The following RBFOX1 variants were observed in gnomAD, a reference collection of about 807,000 sequenced individuals.
RBFOX1 encodes RNA binding fox-1 homolog 1.
A neutral mutation model predicts 57.7 loss-of-function variants in RBFOX1; 8 were observed. That is an observed-to-expected ratio of 0.14 (90% CI 0.08 to 0.25). The LOEUF (loss-of-function observed/expected upper bound fraction) is 0.25. RBFOX1 is among the 10% of genes least tolerant of loss of function. The pLI is 1.00. For synonymous variants in RBFOX1, 326 were observed against 222.4 expected, an observed-to-expected ratio of 1.47 and a Z score of -4.15; for missense variants, 611 against 548.5, an observed-to-expected ratio of 1.11 and a Z score of -1.14.
At chr16:6,519,083 C>T (rs1010455808) in intron 2 of RBFOX1, among the ~76,000 whole-genome samples, 22 of 151,608 alleles carry the variant, frequency 1.5e-4, no homozygotes, top group Non-Finnish European at 2.4e-4. Context: ...TGCCACCCAT[C>T]GTATGCACAA....
At chr16:5,390,663 T>C (rs1310076357) in intron 1 of RBFOX1, among the ~76,000 whole-genome samples, 1 of 152,142 alleles carries the variant, frequency 6.6e-6, no homozygotes, top group Non-Finnish European at 1.5e-5. Flanking sequence ...TCCCTCATCT[T>C]TGAAGGTGGC....
chr16:7,452,555 C>G (rs2057576154), intron 4 of RBFOX1, among the ~76,000 whole-genome samples: 1 of 152,278 alleles, frequency 6.6e-6, no homozygotes, highest in African/African-American at 2.4e-5. Flanking sequence ...GATCCGGGGT[C>G]TTACCTGTGG....
At chr16:6,346,193 C>G (rs1292721657) in intron 2 of RBFOX1, among the ~76,000 whole-genome samples, 1 of 152,094 alleles carries the variant, frequency 6.6e-6, no homozygotes, top group Non-Finnish European at 1.5e-5. Flanking sequence ...AACACATATG[C>G]AAGTGAATAC....
intron 3 of RBFOX1, among the ~76,000 whole-genome samples, chr16:6,933,632 G>C (rs1247799460): frequency 6.6e-6 from 1 of 152,224 alleles, no homozygotes; most frequent in African/African-American, 2.4e-5. Context: ...AGAATTACTT[G>C]AACCTGGGAG....
chr16:7,299,066 G>T (rs2095968102), intron 4 of RBFOX1, among the ~76,000 whole-genome samples: 1 of 152,166 alleles, frequency 6.6e-6, no homozygotes, highest in Non-Finnish European at 1.5e-5. Context: ...AATTAGAATA[G>T]TTACTTTGAA....
chr16:5,253,310 C>G (rs181982100), intron 1 of RBFOX1, among the ~76,000 whole-genome samples: 1 of 152,078 alleles, frequency 6.6e-6, no homozygotes, highest in Admixed American at 6.5e-5. Context: ...CAACCACACC[C>G]AGCTAATTTT....
intron 2 of RBFOX1, among the ~76,000 whole-genome samples, chr16:5,579,962 G>C (rs1461724365): frequency 1.3e-5 from 2 of 152,000 alleles, no homozygotes; most frequent in Non-Finnish European, 2.9e-5. Flanking sequence ...GTAGAGACGG[G>C]GTTTCACCAA....
chr16:6,061,160 T>C (rs1198695276), intron 1 of RBFOX1, among the ~76,000 whole-genome samples: 1 of 152,152 alleles, frequency 6.6e-6, no homozygotes, highest in African/African-American at 2.4e-5. Context: ...TCATGGTTGC[T>C]AACCCACCCG....
chr16:6,123,179 A>T (rs934668597), intron 1 of RBFOX1, among the ~76,000 whole-genome samples: 3 of 152,180 alleles, frequency 2.0e-5, no homozygotes, highest in Admixed American at 2.0e-4. Flanking sequence ...TGAAAATAGA[A>T]TCTTGCACAG....
intron 3 of RBFOX1, among the ~76,000 whole-genome samples, chr16:5,822,937 A>G (rs1244619603): frequency 6.6e-6 from 1 of 152,216 alleles, no homozygotes; most frequent in African/African-American, 2.4e-5. Flanking sequence ...TGCTTTCCAC[A>G]TGATAACTGC....
At chr16:7,022,361 C>T (rs756617662) in intron 3 of RBFOX1, among the ~76,000 whole-genome samples, 1 of 151,742 alleles carries the variant, frequency 6.6e-6, no homozygotes, top group Non-Finnish European at 1.5e-5. Flanking sequence ...TGGCCGTGAA[C>T]CCCATATTCT....
intron 3 of RBFOX1, among the ~76,000 whole-genome samples, chr16:7,005,664 C>G (rs930637880): frequency 1.3e-5 from 2 of 152,184 alleles, no homozygotes; most frequent in Non-Finnish European, 2.9e-5. Context: ...CAAACAATTT[C>G]ATAGAATATC....
chr16:6,413,852 C>T (rs189935312), intron 2 of RBFOX1, among the ~76,000 whole-genome samples: 157 of 152,204 alleles, frequency 1.0e-3, no homozygotes, highest in Non-Finnish European at 1.6e-3. Flanking sequence ...GGAACTATGG[C>T]GACAACTAAA....
In RBFOX1 at chr16:7,518,200, G is replaced by T. The variant is rs573820749; in HGVS notation, c.81G>T (p.Ser27=). 2.5e-6 allele frequency: 4 copies of T among 1,613,944 alleles called. No individual in the cohort carries two copies. Among genetic ancestry groups the T allele is most frequent in the Middle Eastern group, 1.6e-4 (1 of 6,062 alleles). The stretch of plus-strand genomic sequence containing the variant: ...ACACAATGGCTCAGCCTTACGCTTC[G>T]GCCCAGTTTGCTCCCCCGCAGAACG... ...APDTMAQPYA[S]AQFAPPQNGI... Residue 27 remains serine (S), a synonymous_variant, in exon 5 of 16, where the codon TCG becomes TCT. Coordinates refer to ENST00000550418, the MANE Select transcript of RBFOX1 (RefSeq NM_018723.4).
intron 4 of RBFOX1, among the ~76,000 whole-genome samples, chr16:7,382,191 A>G (rs1046439302): frequency 6.6e-6 from 1 of 152,216 alleles, no homozygotes; most frequent in Non-Finnish European, 1.5e-5. Flanking sequence ...CTTAGCCACT[A>G]TGAAGACTCC....
rs562433003 is a variant in RBFOX1, at chr16:6,398,266, T to C, written c.-64+81209T>C. 2.6e-5 allele frequency among the ~76,000 whole-genome samples: 4 copies of C among 152,278 alleles called. No homozygotes were observed. In the South Asian group the frequency reaches 8.3e-4, roughly 32 times the overall value. On this transcript the variant is annotated intron_variant, in intron 2 of 15. Transcript: ENST00000550418. Reference sequence around the variant, plus strand: ...ATATGCGGATTATGGGAACTACAACTCGAGATTTCGGTATAGCCAAAGCAT... The same window carrying C: ...ATATGCGGATTATGGGAACTACAACCCGAGATTTCGGTATAGCCAAAGCAT...
At chr16:7,505,744 CCT>C (rs1315160417) in intron 4 of RBFOX1, among the ~76,000 whole-genome samples, 1 of 152,172 alleles carries the variant, frequency 6.6e-6, no homozygotes, top group Non-Finnish European at 1.5e-5. Flanking sequence ...TGGCTTCCAT[CCT>C]CTCTCTGTGC....
At chr16:6,329,177 G>A (rs1284300685) in intron 2 of RBFOX1, among the ~76,000 whole-genome samples, 1 of 152,170 alleles carries the variant, frequency 6.6e-6, no homozygotes, top group Non-Finnish European at 1.5e-5. Flanking sequence ...ACTCCATGAA[G>A]TGGAAAGCAG....
At position 6,317,062 on chromosome 16, in the gene RBFOX1, G is replaced by T. The variant is rs1443467304; in HGVS notation, c.-64+5G>T. On this transcript the variant is annotated splice_donor_5th_base_variant and intron_variant, in intron 2 of 15. Coordinates refer to ENST00000550418, the MANE Select transcript of RBFOX1 (RefSeq NM_018723.4). ...CTTGATCGGACTCAGCATTCAGTAA[G>T]TGCAACCCATTTTGAACATTCATTC... 6.5e-7 allele frequency: 1 copy of T among 1,533,018 alleles called. No individual in the cohort carries two copies. The highest frequency in any genetic ancestry group is 8.7e-7 in the Non-Finnish European group (1 of 1,144,412). 95.0% of individuals were successfully genotyped at this position (1,533,018 alleles called of 1,614,324 possible). A position where few individuals can be genotyped will look rare whatever the true frequency, so the allele number is the denominator to read the frequency against.
Sources: allele counts gnomAD v4.1 joint callset (sites outside exome capture counted in the v4.1 genomes callset), GRCh38; gene constraint gnomAD v4.1.1; transcripts MANE v1.5; gene names NCBI Gene and HGNC (gene_info 2026-07-23, HGNC 2026-07-21).